Variants in SCN2A observed in about 807,000 individuals in gnomAD.
SCN2A encodes sodium channel protein type 2 subunit alpha.
SCN2A carries 20 observed loss-of-function variants against 188.7 expected under a neutral mutation model. The observed-to-expected ratio is 0.11, with a 90% CI of 0.07 to 0.15. The LOEUF is 0.15. Ranked by LOEUF, SCN2A falls within the 10% of genes least tolerant of loss-of-function variation. The pLI is 1.00. For missense variants in SCN2A, 1,278 were observed against 2,445.0 expected (o/e 0.52, Z 10.07); for synonymous variants, 804 against 833.1 (o/e 0.97, Z 0.60).
chr2:165,342,173 A>G (rs1307379926), intron 14 of SCN2A, 123 bp from the exon 15 acceptor site: 2 of 853,476 alleles, frequency 2.3e-6, no homozygotes, highest in Non-Finnish European at 3.8e-6. Flanking sequence ...AAGTTGTTGG[A>G]CCTAAACCAA....
intron 5 of SCN2A, among the ~76,000 whole-genome samples, 183 bp downstream of exon 5, chr2:165,308,977 G>T (rs1420157468): frequency 6.6e-6 from 1 of 152,024 alleles, no homozygotes; most frequent in Non-Finnish European, 1.5e-5. Context: ...ACATGGCTTT[G>T]GTTTCAATTA....
intron 1 of SCN2A, among the ~76,000 whole-genome samples, chr2:165,291,987 A>G (rs1281702039): frequency 2.0e-5 from 3 of 151,986 alleles, no homozygotes; most frequent in African/African-American, 7.3e-5. Context: ...GAGGTCTGGA[A>G]GGTTGGGAGG....
intron 22 of SCN2A, among the ~76,000 whole-genome samples, chr2:165,375,274 T>C (rs1701248413): frequency 6.6e-6 from 1 of 152,030 alleles, no homozygotes; most frequent in African/African-American, 2.4e-5. Flanking sequence ...GTCAAAGAGA[T>C]GTCTGCACTC....
chr2:165,386,378 C>G (rs1467144769), intron 25 of SCN2A, among the ~76,000 whole-genome samples: 4 of 151,910 alleles, frequency 2.6e-5, no homozygotes, highest in African/African-American at 9.7e-5. Context: ...GCAGGAGTAT[C>G]GCTTGAACCC....
At chr2:165,309,569 A>T (rs374539045) in intron 6 of SCN2A, 126 bp downstream of exon 6, 1 of 1,147,054 alleles carries the variant, frequency 8.7e-7, no homozygotes, top group Admixed American at 2.0e-5. Flanking sequence ...AAGAATTGGT[A>T]CATCATTTTT....
intron 13 of SCN2A, 56 bp from the exon 14 acceptor site, chr2:165,331,274 T>A: frequency 7.7e-7 from 1 of 1,292,716 alleles, no homozygotes; most frequent in South Asian, 1.2e-5. Flanking sequence ...TTAAACCAAA[T>A]CTGCTTAATA....
chr2:165,289,196 A>T (rs1305519036), intron 1 of SCN2A, among the ~76,000 whole-genome samples: 8 of 152,044 alleles, frequency 5.3e-5, no homozygotes, highest in African/African-American at 1.9e-4. Flanking sequence ...GTAGAAAAAA[A>T]TTGTGGTACA....
At chr2:165,375,509 G>T (rs1473481030) in intron 22 of SCN2A, among the ~76,000 whole-genome samples, 1 of 151,844 alleles carries the variant, frequency 6.6e-6, no homozygotes, top group African/African-American at 2.4e-5. Context: ...AACAGTGTTT[G>T]TGTATGTGTG....
rs540058376 is a variant in SCN2A at position 165,317,936 on chromosome 2, G to A, written c.1671+2178G>A. Among the ~76,000 whole-genome samples, 68 of 152,078 alleles carry A rather than the reference G, an allele frequency of 4.5e-4. 1 individual carries two copies. The highest frequency in any genetic ancestry group is 1.6e-3 in the African/African-American group (67 of 41,502). On this transcript the variant is annotated intron_variant, in intron 11 of 26. Transcript: ENST00000375437. ...AAGGGAAAGAAAGAGAAAGAGAGAG[G>A]GGGGAAAGGAGAAAAGGAAGAAGAG...
intron 16 of SCN2A, among the ~76,000 whole-genome samples, chr2:165,352,431 C>G (rs1175807586): frequency 6.6e-6 from 1 of 152,060 alleles, no homozygotes; most frequent in Non-Finnish European, 1.5e-5. Flanking sequence ...GACAAAGGTG[C>G]TGTAAGCCTC....
chr2:165,245,720 C>A (rs889972478), intron 1 of SCN2A, among the ~76,000 whole-genome samples: 1 of 152,168 alleles, frequency 6.6e-6, no homozygotes, highest in Non-Finnish European at 1.5e-5. Context: ...TTAATAATTT[C>A]TCCACAACGA....
At chr2:165,249,323 G>A (rs1052746626) in intron 1 of SCN2A, among the ~76,000 whole-genome samples, 1 of 152,108 alleles carries the variant, frequency 6.6e-6, no homozygotes, top group Admixed American at 6.6e-5. Context: ...TTACAACCGT[G>A]TGGAGCAAAG....
intron 20 of SCN2A, chr2:165,370,606 T>A: frequency 3.3e-6 from 1 of 301,616 alleles, no homozygotes; most frequent in Non-Finnish European, 6.3e-6. Context: ...CACTCACATT[T>A]CGCAAAATAA....
At chr2:165,256,910 CTT>C (rs1694352289) in intron 1 of SCN2A, among the ~76,000 whole-genome samples, 1 of 152,062 alleles carries the variant, frequency 6.6e-6, no homozygotes, top group Non-Finnish European at 1.5e-5. Context: ...ATCTAAAAGT[CTT>C]TTAGGCTGAG....
intron 6 of SCN2A, among the ~76,000 whole-genome samples, chr2:165,309,735 T>G (rs940029086): frequency 6.6e-6 from 1 of 152,146 alleles, no homozygotes; most frequent in Non-Finnish European, 1.5e-5. Context: ...GAAGCTAGAC[T>G]AAGAGACATT....
chr2:165,367,470 T>C, intron 19 of SCN2A, 99 bp downstream of exon 19: 3 of 1,328,560 alleles, frequency 2.3e-6, no homozygotes, highest in Admixed American at 1.8e-5. Context: ...AAGGTGTTTG[T>C]AAGAATGAGA....
At chr2:165,333,610 A>G (rs1698817149) in intron 14 of SCN2A, among the ~76,000 whole-genome samples, 1 of 151,888 alleles carries the variant, frequency 6.6e-6, no homozygotes, top group Non-Finnish European at 1.5e-5. Flanking sequence ...ACTGAAAATC[A>G]AAACAAACCA....
intron 1 of SCN2A, among the ~76,000 whole-genome samples, chr2:165,291,587 CTCTCTCTCTCTCTT>C (rs1696205024): frequency 1.5e-5 from 2 of 135,978 alleles, no homozygotes; most frequent in Non-Finnish European, 3.1e-5. Context: ...CTCTCTCTCT[CTCTCTCTCTCTCTT>C]TCTTTCTTTG....
chr2:165,366,952 GTTC>G (rs1444764735), intron 18 of SCN2A, among the ~76,000 whole-genome samples: 1 of 151,830 alleles, frequency 6.6e-6, no homozygotes, highest in Admixed American at 6.6e-5. Flanking sequence ...TTTCTTTTTG[GTTC>G]TTCTATTTTT....
Sources: allele counts gnomAD v4.1 joint callset (sites outside exome capture counted in the v4.1 genomes callset), GRCh38; gene constraint gnomAD v4.1.1; transcripts MANE v1.5; gene names NCBI Gene and HGNC (gene_info 2026-07-23, HGNC 2026-07-21).